Variants in GLIS1 observed in about 807,000 individuals in gnomAD.
The protein encoded by GLIS1 is zinc finger protein GLIS1.
In GLIS1, 24 loss-of-function variants were observed where a neutral mutation model predicts 63.8. That is an observed-to-expected ratio of 0.38 (90% confidence interval 0.27 to 0.53). The LOEUF is 0.53. GLIS1 is among the 20% of genes least tolerant of loss of function. GLIS1 has a pLI of 0.85. For missense variants in GLIS1, 1,036 were observed against 1,074.1 expected (o/e 0.96, Z 0.50); for synonymous variants, 450 against 482.5 (o/e 0.93, Z 0.88).
At chr1:53,553,800 A>G (rs489050) in intron 4 of GLIS1, among the ~76,000 whole-genome samples, 3,162 of 152,266 alleles carry the variant, frequency 0.021, 80 homozygotes, top group African/African-American at 0.053. Context: ...GTCCATGTAA[A>G]GGCCTTGTGG....
chr1:53,602,417 C>T (rs908844010), intron 2 of GLIS1, among the ~76,000 whole-genome samples: 4 of 152,146 alleles, frequency 2.6e-5, no homozygotes, highest in Admixed American at 2.6e-4. Flanking sequence ...AGAGCTTAAT[C>T]ATCACACGGA....
chr1:53,715,589 A>T (rs1353578365), intron 2 of GLIS1, among the ~76,000 whole-genome samples: 1 of 152,132 alleles, frequency 6.6e-6, no homozygotes, highest in East Asian at 1.9e-4. Context: ...CTGGGAGACC[A>T]ATGAGGAGAC....
intron 2 of GLIS1, among the ~76,000 whole-genome samples, chr1:53,673,725 T>C (rs1646180065): frequency 6.6e-6 from 1 of 152,248 alleles, no homozygotes. Context: ...TCTCTGGGCC[T>C]ATTTTTCTCT....
At chr1:53,591,663 C>T (rs1645194126) in intron 4 of GLIS1, among the ~76,000 whole-genome samples, 1 of 152,202 alleles carries the variant, frequency 6.6e-6, no homozygotes, top group Non-Finnish European at 1.5e-5. Context: ...ACAGTATCTA[C>T]CCCACAGCAT....
At chr1:53,554,953 G>A (rs1020327682) in intron 4 of GLIS1, among the ~76,000 whole-genome samples, 2 of 152,212 alleles carry the variant, frequency 1.3e-5, no homozygotes, top group African/African-American at 4.8e-5. Context: ...GGTAGGGCAG[G>A]GCACTTGGGT....
intron 10 of GLIS1, among the ~76,000 whole-genome samples, chr1:53,508,406 G>A (rs1034328775): frequency 1.2e-4 from 19 of 152,174 alleles, no homozygotes; most frequent in African/African-American, 3.4e-4. Context: ...CCTCTGGGGC[G>A]GGTCTCAGGT....
At chr1:53,563,402 T>C (rs1044469111) in intron 4 of GLIS1, among the ~76,000 whole-genome samples, 2 of 152,206 alleles carry the variant, frequency 1.3e-5, no homozygotes, top group African/African-American at 4.8e-5. Context: ...CCAATCAGAT[T>C]TGAAAAGGAA....
intron 2 of GLIS1, among the ~76,000 whole-genome samples, chr1:53,614,911 C>T (rs1237331825): frequency 7.4e-6 from 1 of 135,800 alleles, no homozygotes; most frequent in Admixed American, 6.9e-5. Context: ...TGCACACACT[C>T]ACACACACTC....
At chr1:53,709,284 T>G (rs905685264) in intron 2 of GLIS1, among the ~76,000 whole-genome samples, 2 of 148,720 alleles carry the variant, frequency 1.3e-5, no homozygotes, top group African/African-American at 5.0e-5. Context: ...TTAATTTAAA[T>G]AGTATGAAGT....
At chr1:53,679,024 T>C (rs1343895673) in intron 2 of GLIS1, among the ~76,000 whole-genome samples, 3 of 152,164 alleles carry the variant, frequency 2.0e-5, no homozygotes, top group Non-Finnish European at 4.4e-5. Flanking sequence ...CCCCCACCTC[T>C]CATGTCCTCT....
rs34118422 is a variant in GLIS1 at position 53,569,475 on chromosome 1, A to AT, written c.1320+24632dup. 2.6e-3 allele frequency among the ~76,000 whole-genome samples: 303 copies of AT among 117,234 alleles called. 2 individuals carry two copies. The highest frequency in any genetic ancestry group is 5.5e-3 in the African/African-American group (214 of 39,258). The allele number at this position is 117,234 out of a possible 152,430, so 76.9% of individuals were successfully genotyped here. On this transcript the variant is annotated intron_variant, in intron 4 of 10. Coordinates refer to ENST00000628545, the MANE Select transcript of GLIS1 (RefSeq NM_001367484.1). Reference sequence around the variant, plus strand: ...AAAACTGCTCTAAAAAAGAAAGTCTATTTTTTTTTTTAAAAAAGCCTTTAA... The same window carrying AT: ...AAAACTGCTCTAAAAAAGAAAGTCTATTTTTTTTTTTTAAAAAAGCCTTTAA...
chr1:53,734,083 C>T, intron 2 of GLIS1: 2 of 980,072 alleles, frequency 2.0e-6, no homozygotes, highest in Non-Finnish European at 2.4e-6. Flanking sequence ...TTTCAAGTTA[C>T]AAGACTGACT....
chr1:53,603,618 A>C (rs1161726765), intron 2 of GLIS1, among the ~76,000 whole-genome samples: 8 of 152,050 alleles, frequency 5.3e-5, no homozygotes. Context: ...GAGGAGGTCC[A>C]CTCCTGTTCA....
At chr1:53,519,075 C>A (rs1424415440) in intron 7 of GLIS1, among the ~76,000 whole-genome samples, 1 of 152,256 alleles carries the variant, frequency 6.6e-6, no homozygotes, top group African/African-American at 2.4e-5. Context: ...CTTCTCGACA[C>A]AGAGCTCCAA....
At chr1:53,561,776 G>T (rs1243916644) in intron 4 of GLIS1, among the ~76,000 whole-genome samples, 1 of 152,198 alleles carries the variant, frequency 6.6e-6, no homozygotes, top group Non-Finnish European at 1.5e-5. Flanking sequence ...TTTGGCCCAT[G>T]GGAGCCAAGG....
At chr1:53,666,172 C>A (rs1646089067) in intron 2 of GLIS1, among the ~76,000 whole-genome samples, 1 of 152,196 alleles carries the variant, frequency 6.6e-6, no homozygotes, top group Admixed American at 6.5e-5. Context: ...ACTCTGCCAT[C>A]CCTCACTGCT....
At position 53,664,831 on chromosome 1, in the gene GLIS1, A is replaced by G. The variant is rs560212111; in HGVS notation, c.260-64553T>C. On this transcript the variant is annotated intron_variant, in intron 2 of 10. Transcript: ENST00000628545. ...CGAAGACCTGAAGGAGCGAGGGAGC[A>G]TGCCAGGAGGTTTTCTTGGGGGACA... 5.9e-5 allele frequency among the ~76,000 whole-genome samples: 9 copies of G among 152,296 alleles called. No homozygotes were observed. In the South Asian group the frequency reaches 1.9e-3, roughly 32 times the overall value.
At chr1:53,718,069 C>T (rs79283782) in intron 2 of GLIS1, among the ~76,000 whole-genome samples, 35 of 152,254 alleles carry the variant, frequency 2.3e-4, no homozygotes, top group East Asian at 5.8e-4. Flanking sequence ...CGGGGCCCAG[C>T]GGCATTTTCA....
intron 2 of GLIS1, among the ~76,000 whole-genome samples, chr1:53,645,999 G>C (rs1161163509): frequency 6.6e-6 from 1 of 152,190 alleles, no homozygotes; most frequent in Non-Finnish European, 1.5e-5. Context: ...TCATTCATAT[G>C]ATGAATATTA....
Sources: allele counts gnomAD v4.1 joint callset (sites outside exome capture counted in the v4.1 genomes callset), GRCh38; gene constraint gnomAD v4.1.1; transcripts MANE v1.5; gene names NCBI Gene and HGNC (gene_info 2026-07-23, HGNC 2026-07-21).